PTPRS: variants seen among roughly 807,000 people sequenced by gnomAD.
PTPRS encodes receptor-type tyrosine-protein phosphatase S.
Under a neutral mutation model 215.3 loss-of-function variants are expected in PTPRS, and 63 were observed. The ratio of observed to expected loss-of-function variants is 0.29; its 90% confidence interval spans 0.24 to 0.36. PTPRS has a LOEUF of 0.36. PTPRS is among the 10% of genes least tolerant of loss of function. The probability of loss-of-function intolerance (pLI) is 1.00; values close to 1 mark genes in which losing one functional copy is unlikely to be tolerated. For missense variants in PTPRS, 2,258 were observed against 2,825.8 expected (o/e 0.80, Z 4.56); for synonymous variants, 1,404 against 1,191.4 (o/e 1.18, Z -3.68).
rs141733048 is a variant in PTPRS at position 5,262,608 on chromosome 19, G to A, written c.577+356C>T. 5.8e-3 allele frequency among the ~76,000 whole-genome samples: 880 copies of A among 152,334 alleles called. 7 individuals are homozygous for A. Among genetic ancestry groups the A allele is most frequent in the African/African-American group, 0.02 (851 of 41,570 alleles). ...AGGGCTAAGGCCAAGAAAAAAGTGC[G>A]GGAGGAAATGTTGTTAGGTGCGAAG... On this transcript the variant is annotated intron_variant, in intron 6 of 37. Transcript: ENST00000262963.
intron 6 of PTPRS, 114 bp downstream of exon 6, chr19:5,262,850 G>A: frequency 1.7e-6 from 2 of 1,178,944 alleles, no homozygotes; most frequent in Non-Finnish European, 1.2e-6. Context: ...ACCAGGCAGA[G>A]TGGGTCACAG....
Position 5,272,405 on chromosome 19 carries a change from C to G in PTPRS, c.379+1037G>C, listed in dbSNP as rs137915431. Among the ~76,000 whole-genome samples, 64 of 151,728 alleles carry G rather than the reference C, an allele frequency of 4.2e-4. 3 individuals carry two copies. The East Asian group carries it at 0.012, about 29-fold the overall frequency. On this transcript the variant is annotated intron_variant, in intron 4 of 37. Transcript: ENST00000262963. ...TTGAGGTCAGGAGTTTGAGACCACC[C>G]TGGCCAACATGGTGAAACCCTGTCT...
chr19:5,269,948 T>C (rs907164377), intron 4 of PTPRS, among the ~76,000 whole-genome samples: 3 of 134,716 alleles, frequency 2.2e-5, no homozygotes, highest in Non-Finnish European at 4.8e-5. Flanking sequence ...AAAAAGAGTG[T>C]GGATGGGCGC....
rs138616392 is a variant in PTPRS, at chr19:5,237,104, C to T, written c.1849+1815G>A. 3.3e-3 allele frequency among the ~76,000 whole-genome samples: 510 copies of T among 152,326 alleles called. No homozygotes were observed. Among genetic ancestry groups the T allele is most frequent in the Non-Finnish European group, 4.8e-3 (327 of 68,032 alleles). On this transcript the variant is annotated intron_variant, in intron 13 of 37. Coordinates refer to ENST00000262963, the MANE Select transcript of PTPRS (RefSeq NM_002850.4). The surrounding 1 kb of genome is among the most constrained non-coding windows in gnomAD (Gnocchi z 4.2). ...GAGGGAACGGCCGAGCGCTGAGCTA[C>T]AAGGCCAGACCGAACTCTTGGTGGG...
chr19:5,297,029 T>C (rs901486291), intron 1 of PTPRS, among the ~76,000 whole-genome samples: 1 of 152,138 alleles, frequency 6.6e-6, no homozygotes, highest in Non-Finnish European at 1.5e-5. Flanking sequence ...GGATGACTTC[T>C]GGGTTTTTGG....
chr19:5,327,789 T>TG (rs2050209540), intron 1 of PTPRS, among the ~76,000 whole-genome samples: 2 of 151,946 alleles, frequency 1.3e-5, no homozygotes, highest in African/African-American at 2.4e-5. Context: ...TTTATAGAGA[T>TG]GGGGTCTTCC....
At chr19:5,240,133 C>T (rs1739931630) in intron 12 of PTPRS, 66 bp downstream of exon 12, 4 of 1,421,872 alleles carry the variant, frequency 2.8e-6, no homozygotes, top group South Asian at 1.5e-5. Flanking sequence ...AGAGACAAGG[C>T]GGGCAGCGTC....
intron 3 of PTPRS, 69 bp downstream of exon 3, chr19:5,274,127 TGTG>T: frequency 6.5e-7 from 1 of 1,549,174 alleles, no homozygotes; most frequent in Non-Finnish European, 8.8e-7. Context: ...CGAAGTCCAC[TGTG>T]GCTGAGGTGC....
intron 14 of PTPRS, among the ~76,000 whole-genome samples, chr19:5,229,886 C>A (rs375857448): frequency 2.7e-5 from 4 of 147,336 alleles, no homozygotes; most frequent in African/African-American, 7.9e-5. Flanking sequence ...CCTGAAGGTG[C>A]GCCCCATGGA....
rs1343116920 is a variant in PTPRS, at chr19:5,220,472, C to T, written c.3456-119G>A. 4 of 823,662 alleles carry T rather than the reference C, an allele frequency of 4.9e-6. No homozygotes were observed. The Admixed American group carries it at 8.3e-5, about 17-fold the overall frequency. 51.0% of individuals were successfully genotyped at this position (823,662 alleles called of 1,614,324 possible). ...TCTTCCCTTCTGTTCATACAATGAG[C>T]CTATTCCCCTATGCCCCATCCACAA... On this transcript the variant is annotated intron_variant, in intron 20 of 37. Transcript: ENST00000262963.
chr19:5,306,098 T>C (rs1401057865), intron 1 of PTPRS, among the ~76,000 whole-genome samples: 1 of 151,894 alleles, frequency 6.6e-6, no homozygotes, highest in Non-Finnish European at 1.5e-5. Flanking sequence ...TATCTTTGTG[T>C]CTTTTTCTCA....
chr19:5,289,341 T>C (rs1325117823), intron 1 of PTPRS, among the ~76,000 whole-genome samples: 2 of 152,184 alleles, frequency 1.3e-5, no homozygotes, highest in East Asian at 1.9e-4. Context: ...CCAGCCCCAT[T>C]GTCACCGACC....
In PTPRS at chr19:5,226,746, C is replaced by CA. The variant is rs906111956; in HGVS notation, c.2377-903dup. Among the ~76,000 whole-genome samples, 60 of 145,774 alleles carry CA rather than the reference C, an allele frequency of 4.1e-4. 2 individuals are homozygous for CA. The highest frequency in any genetic ancestry group is 1.5e-4 in the Non-Finnish European group (10 of 67,258). ...CCTGGGTGACAGAGCAAGACTGTCT[C>CA]AAAAATAAATAAATAAACTGTATAA... is the stretch of plus-strand genomic sequence containing the variant. On this transcript the variant is annotated intron_variant, in intron 16 of 37. Transcript: ENST00000262963.
Position 5,218,440 on chromosome 19 carries a change from C to T in PTPRS, c.4028G>A (p.Arg1343His), listed in dbSNP as rs201934952. ...CATACCTGGAGTCTGGAAGTTAATG[C>T]GTCTCATTTCCACAGGGTCCTTGGG... is the stretch of plus-strand genomic sequence containing the variant. The part of the protein sequence containing the change: ...HHPKDPVEMR[R>H]INFQTPDSGL... Residue 1343 changes from arginine to histidine, a missense_variant, in exon 25 of 38, where the codon CGC (arginine) becomes CAC (histidine). Arg to His is a conservative substitution (Grantham distance 29). Coordinates refer to ENST00000262963, the MANE Select transcript of PTPRS (RefSeq NM_002850.4). The T allele has an allele frequency of 8.1e-6, 13 of 1,613,672 alleles. No individual in the cohort carries two copies. The highest frequency in any genetic ancestry group is 1.7e-5 in the Admixed American group (1 of 59,900).
intron 13 of PTPRS, among the ~76,000 whole-genome samples, 183 bp from the exon 14 acceptor site, chr19:5,231,798 C>CGGGTGGATGGGCGGGT (rs2043041321): frequency 1.8e-5 from 1 of 56,646 alleles, no homozygotes; most frequent in Admixed American, 2.5e-4. Flanking sequence ...GTGGGATGGG[C>CGGGTGGATGGGCGGGT]GGGTGGATGG....
chr19:5,253,107 C>A (rs1005283975), intron 9 of PTPRS, among the ~76,000 whole-genome samples: 2 of 152,092 alleles, frequency 1.3e-5, no homozygotes, highest in African/African-American at 2.4e-5. Flanking sequence ...CATTCATAGT[C>A]AGGGAGAATA....
In PTPRS at chr19:5,315,350, GGT is replaced by G. The variant is rs1491093425; in HGVS notation, c.-95+25312_-95+25313del. 1.4e-4 allele frequency among the ~76,000 whole-genome samples: 14 copies of G among 101,318 alleles called. 5 individuals are homozygous for G. The highest frequency in any genetic ancestry group is 5.7e-4 in the African/African-American group (14 of 24,636). 66.5% of individuals were successfully genotyped at this position (101,318 alleles called of 152,430 possible). On this transcript the variant is annotated intron_variant, in intron 1 of 37. Coordinates refer to ENST00000262963, the MANE Select transcript of PTPRS (RefSeq NM_002850.4). ...TCATGGAGAATTTTTATTTGAAAAG[GGT>G]TTTTTTTTTTTTTTTTTTTTTTTTT...
intron 4 of PTPRS, among the ~76,000 whole-genome samples, chr19:5,265,997 T>C (rs2046371533): frequency 6.6e-6 from 1 of 152,128 alleles, no homozygotes; most frequent in African/African-American, 2.4e-5. Context: ...CGGTGGCTCA[T>C]GCCTGTAATC....
Position 5,237,592 on chromosome 19 carries a change from C to T in PTPRS, c.1849+1327G>A, listed in dbSNP as rs1308534061. ...TTGGGAGAGTTTCTGGGGCCGAATT[C>T]GGGCCGTGGACTGTCCGTTCAGCCC... is the stretch of plus-strand genomic sequence containing the variant. On this transcript the variant is annotated intron_variant, in intron 13 of 37. Coordinates refer to ENST00000262963, the MANE Select transcript of PTPRS (RefSeq NM_002850.4). This position sits in a 1 kb window ranked among gnomAD's most constrained non-coding sequence, Gnocchi z 4.2. 2.0e-5 allele frequency among the ~76,000 whole-genome samples: 3 copies of T among 152,122 alleles called. No individual in the cohort carries two copies. The highest frequency in any genetic ancestry group is 6.5e-5 in the Admixed American group (1 of 15,274).
Sources: allele counts gnomAD v4.1 joint callset (sites outside exome capture counted in the v4.1 genomes callset), GRCh38; gene constraint gnomAD v4.1.1; non-coding constraint Gnocchi (gnomAD v3.1); transcripts MANE v1.5; gene names NCBI Gene and HGNC (gene_info 2026-07-23, HGNC 2026-07-21).